Variants in ERBIN observed in about 807,000 individuals in gnomAD.
The protein encoded by ERBIN is densin-180-like protein.
ERBIN carries 60 observed loss-of-function variants against 158.4 expected under a neutral mutation model. The ratio of observed to expected loss-of-function variants is 0.38; its 90% CI spans 0.31 to 0.47. The LOEUF is 0.47. ERBIN is among the 20% of genes least tolerant of loss of function. The probability of loss-of-function intolerance (pLI) is 0.99; values close to 1 mark genes in which losing one functional copy is unlikely to be tolerated. For synonymous variants in ERBIN, 594 were observed against 557.2 expected (o/e 1.07, Z -0.93); for missense variants, 1,610 against 1,648.0 (o/e 0.98, Z 0.40).
At chr5:66,005,345 T>A (rs1229336519) in intron 4 of ERBIN, among the ~76,000 whole-genome samples, 10 of 152,064 alleles carry the variant, frequency 6.6e-5, no homozygotes. Context: ...TCTGTGGGAG[T>A]TGTAATTTTT....
chr5:65,993,553 T>G (rs2151051307), intron 3 of ERBIN, among the ~76,000 whole-genome samples: 1 of 152,324 alleles, frequency 6.6e-6, no homozygotes, highest in Middle Eastern at 3.4e-3. Context: ...TATTTCAATT[T>G]TCCCTCTCAT....
intron 4 of ERBIN, 86 bp downstream of exon 4, chr5:65,994,950 A>T (rs1177279220): frequency 1.3e-6 from 1 of 791,006 alleles, no homozygotes; most frequent in Non-Finnish European, 2.0e-6. Context: ...AAATAAAAAT[A>T]TAAAAATAAG....
intron 4 of ERBIN, among the ~76,000 whole-genome samples, chr5:65,995,631 G>T (rs931966719): frequency 6.6e-6 from 1 of 152,102 alleles, no homozygotes; most frequent in Non-Finnish European, 1.5e-5. Context: ...CATTCACTTT[G>T]ATACATATCC....
chr5:65,974,534 T>C (rs188423469), intron 1 of ERBIN, among the ~76,000 whole-genome samples: 3 of 152,338 alleles, frequency 2.0e-5, no homozygotes, highest in Admixed American at 2.0e-4. Flanking sequence ...CCTGTTATCT[T>C]TAGGGATGAC....
At chr5:65,977,500 G>A (rs1253292902) in intron 1 of ERBIN, among the ~76,000 whole-genome samples, 1 of 149,486 alleles carries the variant, frequency 6.7e-6, no homozygotes, top group South Asian at 2.1e-4. Context: ...GGGCAGAGAC[G>A]CTCCTCACAT....
At position 66,026,299 on chromosome 5, in the gene ERBIN, C is replaced by T. The variant is rs200438167; in HGVS notation, c.1021-3C>T. On this transcript the variant is annotated splice_polypyrimidine_tract_variant and splice_region_variant and intron_variant, in intron 12 of 25. Transcript: ENST00000284037. ...TGATACTCAGTTTATATTTCTCTTT[C>T]AGATTGGAAGCTGGAAAAATATAAC... 1 of 1,564,708 alleles carries T rather than the reference C, an allele frequency of 6.4e-7. No individual in the cohort carries two copies. Among genetic ancestry groups the T allele is most frequent in the Admixed American group, 2.0e-5 (1 of 50,092 alleles).
chr5:66,054,279 C>G lies in ERBIN; in HGVS notation c.2961C>G (p.Val987=). 6.2e-7 allele frequency: 1 copy of G among 1,614,152 alleles called. No individual in the cohort carries two copies. The highest frequency in any genetic ancestry group is 8.5e-7 in the Non-Finnish European group (1 of 1,180,030). ...YNIQYSSSAA[V]KDTLWHSKQN... is the part of the protein sequence containing the mutation. ...TCCAATACAGTAGCAGTGCTGCAGT[C>G]AAAGACACTTTGTGGCACTCCAAAC... is the stretch of plus-strand genomic sequence containing the variant. Residue 987 remains valine (V), a synonymous_variant, in exon 21 of 26, where the codon GTC becomes GTG. Transcript: ENST00000284037.
At chr5:65,995,654 GCTGGAT>G (rs374536521) in intron 4 of ERBIN, among the ~76,000 whole-genome samples, 5 of 152,236 alleles carry the variant, frequency 3.3e-5, no homozygotes, top group African/African-American at 1.2e-4. Flanking sequence ...TAGTGGGATT[GCTGGAT>G]CTTGTGGTAG....
intron 1 of ERBIN, 144 bp downstream of exon 1, chr5:65,926,950 G>C (rs1439386535): frequency 1.3e-5 from 2 of 152,058 alleles, no homozygotes; most frequent in Non-Finnish European, 2.9e-5. Context: ...TAATAATTGA[G>C]GGGCTAAATA....
At chr5:65,991,888 C>T (rs1487487110) in intron 2 of ERBIN, among the ~76,000 whole-genome samples, 1 of 152,014 alleles carries the variant, frequency 6.6e-6, no homozygotes, top group Non-Finnish European at 1.5e-5. Flanking sequence ...TTAATTGAAA[C>T]AAAATATACT....
At chr5:65,932,925 A>G (rs569750816) in intron 1 of ERBIN, among the ~76,000 whole-genome samples, 1 of 151,976 alleles carries the variant, frequency 6.6e-6, no homozygotes, top group East Asian at 1.9e-4. Context: ...CCTTCAGCCG[A>G]GACTATAGGC....
chr5:65,999,804 C>G (rs1439161286), intron 4 of ERBIN, among the ~76,000 whole-genome samples: 1 of 152,152 alleles, frequency 6.6e-6, no homozygotes, highest in African/African-American at 2.4e-5. Context: ...ATTTGTGTTT[C>G]CATCCCTAGT....
Position 65,936,659 on chromosome 5 carries a change from G to A in ERBIN, c.-58+9853G>A, listed in dbSNP as rs944019337. Among the ~76,000 whole-genome samples, 7 of 152,314 alleles carry A rather than the reference G, an allele frequency of 4.6e-5. No individual in the cohort carries two copies. The South Asian group carries it at 1.2e-3, about 27-fold the overall frequency. On this transcript the variant is annotated intron_variant, in intron 1 of 25. Transcript: ENST00000284037. Reference sequence around the variant, plus strand: ...TACAGAGTGAGACACTTTAGGGTAGGATAGGAAGGCTGGATAAGGTGAAGG... The same window carrying A: ...TACAGAGTGAGACACTTTAGGGTAGAATAGGAAGGCTGGATAAGGTGAAGG...
At chr5:65,960,690 C>T (rs1336330980) in intron 1 of ERBIN, among the ~76,000 whole-genome samples, 1 of 152,122 alleles carries the variant, frequency 6.6e-6, no homozygotes, top group Non-Finnish European at 1.5e-5. Context: ...TTAAGAGAGG[C>T]ATTGCTATCC....
intron 14 of ERBIN, among the ~76,000 whole-genome samples, chr5:66,033,815 T>G (rs1757125184): frequency 6.6e-6 from 1 of 151,932 alleles, no homozygotes; most frequent in Non-Finnish European, 1.5e-5. Flanking sequence ...TGAGTAAGAT[T>G]AAGAATATGA....
At chr5:65,996,683 G>A (rs886829962) in intron 4 of ERBIN, among the ~76,000 whole-genome samples, 1 of 152,102 alleles carries the variant, frequency 6.6e-6, no homozygotes, top group African/African-American at 2.4e-5. Flanking sequence ...TGGAATTTTG[G>A]TAGGGATTGG....
intron 15 of ERBIN, among the ~76,000 whole-genome samples, chr5:66,041,396 A>C (rs1757906279): frequency 6.6e-6 from 1 of 151,970 alleles, no homozygotes; most frequent in Non-Finnish European, 1.5e-5. Flanking sequence ...TTATCATCCC[A>C]CATTGACATC....
Position 66,080,698 on chromosome 5 carries a change from A to G in ERBIN, c.*2168A>G, listed in dbSNP as rs749798247. 3.3e-5 allele frequency: 5 copies of G among 152,064 alleles called. No homozygotes were observed. The highest frequency in any genetic ancestry group is 1.9e-4 in the East Asian group (1 of 5,204). The allele number at this position is 152,064 out of a possible 1,614,324, so 9.4% of individuals were successfully genotyped here. ...ACTTTACCTTGAACCACATATACCA[A>G]TTATAATTTTGGAAAAGGAATTAAG... On this transcript the variant is annotated 3_prime_UTR_variant, in exon 26 of 26. Coordinates refer to ENST00000284037, the MANE Select transcript of ERBIN (RefSeq NM_001253697.2).
At chr5:66,072,133 A>T in intron 21 of ERBIN, 36 bp from the exon 22 acceptor site, 1 of 1,542,360 alleles carries the variant, frequency 6.5e-7, no homozygotes, top group Non-Finnish European at 8.7e-7. Context: ...ATCTTAAAGA[A>T]CATTATTTGT....
Sources: allele counts gnomAD v4.1 joint callset (sites outside exome capture counted in the v4.1 genomes callset), GRCh38; gene constraint gnomAD v4.1.1; transcripts MANE v1.5; gene names NCBI Gene and HGNC (gene_info 2026-07-23, HGNC 2026-07-21).